Variants in CRACD observed in about 807,000 individuals in gnomAD.
CRACD encodes the protein capping protein-inhibiting regulator of actin dynamics.
CRACD carries 56 observed loss-of-function variants against 106.8 expected under a neutral mutation model. That is an observed-to-expected ratio of 0.52 (90% confidence interval 0.42 to 0.66). The LOEUF (loss-of-function observed/expected upper bound fraction) is 0.66. Ranked by LOEUF, CRACD falls within the 30% of genes least tolerant of loss-of-function variation. CRACD has a pLI of 0.00. For missense variants in CRACD, 1,730 were observed against 1,623.2 expected, an observed-to-expected ratio of 1.07 and a Z score of -1.13; for synonymous variants, 754 against 670.8, an observed-to-expected ratio of 1.12 and a Z score of -1.92.
intron 8 of CRACD, among the ~76,000 whole-genome samples, chr4:56,320,424 A>T (rs891270199): frequency 6.6e-6 from 1 of 152,178 alleles, no homozygotes; most frequent in African/African-American, 2.4e-5. Context: ...TGAACTCCTC[A>T]AATAGGTGAT....
rs1183892063 is a variant in CRACD, at chr4:56,330,256, G to A, written c.*2452G>A. Among the ~76,000 whole-genome samples, 3 of 150,382 alleles carry A rather than the reference G, an allele frequency of 2.0e-5. No homozygotes were observed. The highest frequency in any genetic ancestry group is 4.9e-5 in the African/African-American group (2 of 40,830). On this transcript the variant is annotated 3_prime_UTR_variant, in exon 11 of 11. Transcript: ENST00000682029. Reference sequence around the variant, plus strand: ...GCAAGGTTATAGATGATTAACCTCTGTTCATAGACTTATATATAAAACTAG... The same window carrying A: ...GCAAGGTTATAGATGATTAACCTCTATTCATAGACTTATATATAAAACTAG...
intron 2 of CRACD, among the ~76,000 whole-genome samples, chr4:56,254,308 T>C (rs1037878137): frequency 6.6e-6 from 1 of 151,802 alleles, no homozygotes; most frequent in Non-Finnish European, 1.5e-5. Context: ...CAAGGAAGAA[T>C]AGCCAGACAG....
intron 3 of CRACD, among the ~76,000 whole-genome samples, chr4:56,280,445 T>C (rs928507689): frequency 6.6e-6 from 1 of 152,216 alleles, no homozygotes; most frequent in Non-Finnish European, 1.5e-5. Context: ...TCTGCACAAA[T>C]GTGCCTTCCT....
intron 1 of CRACD, among the ~76,000 whole-genome samples, chr4:56,152,059 G>T (rs899502543): frequency 6.6e-6 from 1 of 150,840 alleles, no homozygotes; most frequent in Admixed American, 6.6e-5. Flanking sequence ...ACCCAGGCTG[G>T]AGTGCGGTGG....
At chr4:56,266,299 G>A (rs1451454461) in intron 2 of CRACD, among the ~76,000 whole-genome samples, 1 of 152,156 alleles carries the variant, frequency 6.6e-6, no homozygotes, top group Admixed American at 6.5e-5. Context: ...TTTCTAGAGA[G>A]GCTGGTAAGC....
Position 56,186,613 on chromosome 4 carries a change from C to A in CRACD, c.-189+7183C>A, listed in dbSNP as rs918247740. Among the ~76,000 whole-genome samples, 7 of 152,254 alleles carry A rather than the reference C, an allele frequency of 4.6e-5. No individual in the cohort carries two copies. The South Asian group carries it at 1.2e-3, about 27-fold the overall frequency. Reference sequence around the variant, plus strand: ...AACTTTTTACATGCCAGACATTGTGCTGAGGGGTGAGGATATGAAGTAAGC... The same window carrying A: ...AACTTTTTACATGCCAGACATTGTGATGAGGGGTGAGGATATGAAGTAAGC... On this transcript the variant is annotated intron_variant, in intron 2 of 10. Coordinates refer to ENST00000682029, the MANE Select transcript of CRACD (RefSeq NM_001393381.1).
rs1057387971 is a variant in CRACD, at chr4:56,185,901, C to G, written c.-189+6471C>G. Reference sequence around the variant, plus strand: ...TTGCTAGCCTAGGCAACAAAGCAGTCTCTCCCAAGGGAGTTAAATGATACT... The same window carrying G: ...TTGCTAGCCTAGGCAACAAAGCAGTGTCTCCCAAGGGAGTTAAATGATACT... On this transcript the variant is annotated intron_variant, in intron 2 of 10. Transcript: ENST00000682029. 4.6e-5 allele frequency among the ~76,000 whole-genome samples: 7 copies of G among 152,316 alleles called. No homozygotes were observed. In the South Asian group the frequency reaches 1.2e-3, roughly 27 times the overall value.
intron 1 of CRACD, among the ~76,000 whole-genome samples, chr4:56,107,238 C>G (rs1733979530): frequency 6.6e-6 from 1 of 152,132 alleles, no homozygotes; most frequent in East Asian, 1.9e-4. Context: ...GCCTCCACCT[C>G]CCAAAGATTT....
chr4:56,159,865 T>A (rs1384366644), intron 1 of CRACD, among the ~76,000 whole-genome samples: 2 of 151,940 alleles, frequency 1.3e-5, no homozygotes, highest in Non-Finnish European at 2.9e-5. Context: ...CACCGAAACC[T>A]CCACCTCCCG....
At chr4:56,311,368 C>G (rs1745146936) in intron 6 of CRACD, 1 of 152,326 alleles carries the variant, frequency 6.6e-6, no homozygotes, top group African/African-American at 2.4e-5. Context: ...GGGGATGGCT[C>G]AAGACAGTGC....
chr4:56,178,919 G>A (rs576862264), intron 1 of CRACD, among the ~76,000 whole-genome samples: 1 of 152,306 alleles, frequency 6.6e-6, no homozygotes, highest in African/African-American at 2.4e-5. Context: ...AATGATTACT[G>A]CCTTCACGTC....
intron 1 of CRACD, among the ~76,000 whole-genome samples, chr4:56,130,325 A>G (rs546810456): frequency 3.3e-5 from 5 of 152,248 alleles, no homozygotes; most frequent in East Asian, 1.9e-4. Context: ...TAAATCTCCA[A>G]TTACTAACGA....
chr4:56,282,339 T>G (rs1743083895), intron 3 of CRACD, among the ~76,000 whole-genome samples: 1 of 152,176 alleles, frequency 6.6e-6, no homozygotes, highest in Non-Finnish European at 1.5e-5. Flanking sequence ...GAGGCATGCA[T>G]TCACTGTGCA....
chr4:56,062,669 C>A (rs901494277), intron 1 of CRACD, among the ~76,000 whole-genome samples: 1 of 152,162 alleles, frequency 6.6e-6, no homozygotes, highest in African/African-American at 2.4e-5. Context: ...TGATCTCTGA[C>A]CTTCTGCTGA....
intron 1 of CRACD, among the ~76,000 whole-genome samples, chr4:56,109,360 T>C (rs1348165258): frequency 2.0e-5 from 3 of 152,208 alleles, no homozygotes; most frequent in Admixed American, 1.3e-4. Context: ...TTCTTTATTA[T>C]ACTGAAACAG....
intron 1 of CRACD, among the ~76,000 whole-genome samples, chr4:56,061,496 A>T (rs1732273599): frequency 6.6e-6 from 1 of 151,900 alleles, no homozygotes; most frequent in African/African-American, 2.4e-5. Flanking sequence ...GTATTAGGTG[A>T]AAGAGTGGGG....
At chr4:56,217,656 C>T (rs897338046) in intron 2 of CRACD, among the ~76,000 whole-genome samples, 3 of 152,068 alleles carry the variant, frequency 2.0e-5, no homozygotes, top group Non-Finnish European at 2.9e-5. Flanking sequence ...TTAAAGAGTC[C>T]GTTCTGTCAG....
chr4:56,065,328 T>C (rs1325853735), intron 1 of CRACD, among the ~76,000 whole-genome samples: 1 of 152,106 alleles, frequency 6.6e-6, no homozygotes, highest in African/African-American at 2.4e-5. Flanking sequence ...CCTCAGGTGA[T>C]CCACCCACCT....
rs1745438464 is a variant in CRACD, at chr4:56,314,693, G to GGAGGAGGATCTGGGGGAA, written c.1200_1217dup (p.Asp400_Glu405dup). 6.4e-7 allele frequency: 1 copy of GGAGGAGGATCTGGGGGAA among 1,556,568 alleles called. No individual in the cohort carries two copies. Among genetic ancestry groups the GGAGGAGGATCTGGGGGAA allele is most frequent in the Non-Finnish European group, 8.7e-7 (1 of 1,150,204 alleles). The stretch of plus-strand genomic sequence containing the variant: ...CTGGGGAGGGCCGGCGGGGCGCGGA[G>GGAGGAGGATCTGGGGGAA]GAGGAGGATCTGGGGGAAGAGGAGG... On this transcript the variant is annotated inframe_insertion, in exon 8 of 11. Coordinates refer to ENST00000682029, the MANE Select transcript of CRACD (RefSeq NM_001393381.1). The surrounding 1 kb of genome is among the most constrained non-coding windows in gnomAD (Gnocchi z 4.4).
Sources: allele counts gnomAD v4.1 joint callset (sites outside exome capture counted in the v4.1 genomes callset), GRCh38; gene constraint gnomAD v4.1.1; non-coding constraint Gnocchi (gnomAD v3.1); transcripts MANE v1.5; gene names NCBI Gene and HGNC (gene_info 2026-07-23, HGNC 2026-07-21).